The following TTC29 variants were observed in gnomAD, a reference collection of about 807,000 sequenced individuals.
TTC29 encodes the protein tetratricopeptide repeat domain 29.
Under a neutral mutation model 58.1 loss-of-function variants are expected in TTC29, and 49 were observed. The observed-to-expected ratio is 0.84, with a 90% CI of 0.67 to 1.07. The LOEUF (loss-of-function observed/expected upper bound fraction) is 1.07, where lower values mean the gene tolerates loss of function less well. Ranked by LOEUF, TTC29 falls within the 50% of genes least tolerant of loss-of-function variation. TTC29 has a pLI of 0.00. For missense variants in TTC29, 582 were observed against 555.6 expected (o/e 1.05, Z -0.48); for synonymous variants, 209 against 196.8 (o/e 1.06, Z -0.52).
intron 6 of TTC29, 57 bp downstream of exon 6, chr4:146,903,487 T>C: frequency 6.9e-7 from 1 of 1,451,828 alleles, no homozygotes; most frequent in Non-Finnish European, 9.3e-7. Flanking sequence ...TTTTCCATTG[T>C]GTGATCTCAG....
rs748485023 is a variant in TTC29 at position 146,820,188 on chromosome 4, G to A, written c.1038C>T (p.Asn346=). The change falls in exon 10 of 13, where the codon AAC becomes AAT. Residue 346 remains asparagine (N), a synonymous_variant. Coordinates refer to ENST00000325106, the MANE Select transcript of TTC29 (RefSeq NM_031956.4). Reference sequence around the variant, plus strand: ...TCACCAAATCTAGGCTTTGAAAATTGTTTCTTGCAATTTTCACAAATTTTT... The same window carrying A: ...TCACCAAATCTAGGCTTTGAAAATTATTTCTTGCAATTTTCACAAATTTTT... ...YLKKFVKIAR[N]NFQSLDLVRA... 1 of 1,612,998 alleles carries A rather than the reference G, an allele frequency of 6.2e-7. No homozygotes were observed. The highest frequency in any genetic ancestry group is 8.5e-7 in the Non-Finnish European group (1 of 1,179,726).
chr4:146,818,567 A>G (rs1456505318), intron 10 of TTC29, among the ~76,000 whole-genome samples: 1 of 152,238 alleles, frequency 6.6e-6, no homozygotes, highest in East Asian at 1.9e-4. Flanking sequence ...CATTTGACCC[A>G]GATATCTCAT....
intron 11 of TTC29, among the ~76,000 whole-genome samples, chr4:146,722,121 G>A (rs1368596597): frequency 2.0e-5 from 3 of 152,010 alleles, no homozygotes; most frequent in African/African-American, 7.3e-5. Flanking sequence ...GGAGCTGAAT[G>A]ATCTCTACAA....
At chr4:146,899,480 A>G (rs1732995314) in intron 6 of TTC29, among the ~76,000 whole-genome samples, 1 of 152,218 alleles carries the variant, frequency 6.6e-6, no homozygotes, top group South Asian at 2.1e-4. Context: ...AGTGTTTTTC[A>G]GTTGATGACA....
intron 5 of TTC29, among the ~76,000 whole-genome samples, chr4:146,906,685 T>C (rs1308535440): frequency 6.6e-6 from 1 of 152,224 alleles, no homozygotes; most frequent in Non-Finnish European, 1.5e-5. Flanking sequence ...TGAAAAAAGG[T>C]GACACAAATG....
chr4:146,876,013 T>C (rs1579887029), intron 6 of TTC29, among the ~76,000 whole-genome samples: 1 of 152,182 alleles, frequency 6.6e-6, no homozygotes, highest in African/African-American at 2.4e-5. Flanking sequence ...CAAAGAACAC[T>C]TATATCTAGG....
chr4:146,753,468 T>G (rs1746182776), intron 11 of TTC29, among the ~76,000 whole-genome samples: 1 of 152,202 alleles, frequency 6.6e-6, no homozygotes, highest in Non-Finnish European at 1.5e-5. Flanking sequence ...TGTAAACTAG[T>G]TCAACCATTG....
chr4:146,941,496 TAAAC>T (rs1736385211), intron 2 of TTC29, among the ~76,000 whole-genome samples: 1 of 152,144 alleles, frequency 6.6e-6, no homozygotes, highest in Non-Finnish European at 1.5e-5. Flanking sequence ...AGAAAGACAC[TAAAC>T]AAATAAGCAA....
At chr4:146,941,590 C>T (rs1441472387) in intron 2 of TTC29, among the ~76,000 whole-genome samples, 1 of 151,914 alleles carries the variant, frequency 6.6e-6, no homozygotes, top group Non-Finnish European at 1.5e-5. Context: ...AGATGCTCAC[C>T]AATGGCAAAG....
chr4:146,770,235 C>A (rs186632715), intron 11 of TTC29, among the ~76,000 whole-genome samples: 18 of 151,796 alleles, frequency 1.2e-4, no homozygotes, highest in African/African-American at 4.4e-4. Flanking sequence ...GAAGTGCAGC[C>A]AGAGTAGAGA....
intron 4 of TTC29, among the ~76,000 whole-genome samples, chr4:146,936,603 T>C (rs181532553): frequency 6.6e-6 from 1 of 152,212 alleles, no homozygotes; most frequent in Admixed American, 6.5e-5. Flanking sequence ...AGTGAGTGAT[T>C]ACAGCTACTG....
At chr4:146,813,342 A>G (rs1023082463) in intron 10 of TTC29, among the ~76,000 whole-genome samples, 5 of 152,204 alleles carry the variant, frequency 3.3e-5, no homozygotes, top group African/African-American at 1.2e-4. Context: ...TTCTCATTTG[A>G]CCACTTTACA....
intron 8 of TTC29, among the ~76,000 whole-genome samples, chr4:146,837,793 G>A (rs574327976): frequency 6.6e-6 from 1 of 151,952 alleles, no homozygotes; most frequent in Non-Finnish European, 1.5e-5. Context: ...GGCAAACAAA[G>A]GATCTCCAGG....
Position 146,909,133 on chromosome 4 carries a change from GC to G in TTC29, c.292del (p.Ala98ArgfsTer27). 6.2e-7 allele frequency: 1 copy of G among 1,613,780 alleles called. No homozygotes were observed. The highest frequency in any genetic ancestry group is 8.5e-7 in the Non-Finnish European group (1 of 1,179,840). On this transcript the variant is annotated frameshift_variant, in exon 5 of 13. Transcript: ENST00000325106. LOFTEE classifies it high-confidence loss of function. The stretch of plus-strand genomic sequence containing the variant: ...CAGCCAGAAGAGGGACCTGACTCTC[GC>G]AGCCTCCCTCAGGGCATCCCACCGC... ...MERWDALREAARVRSLFWLQK... is the reference protein window; with the variant it reads ...MERWDALREAXRVRSLFWLQK...
intron 11 of TTC29, among the ~76,000 whole-genome samples, chr4:146,796,584 G>T (rs1040557735): frequency 3.9e-5 from 6 of 151,994 alleles, no homozygotes; most frequent in Non-Finnish European, 8.8e-5. Flanking sequence ...AGATTTTTTG[G>T]GTGGGAGGCA....
At chr4:146,822,099 A>G (rs537295792) in intron 9 of TTC29, among the ~76,000 whole-genome samples, 1 of 141,206 alleles carries the variant, frequency 7.1e-6, no homozygotes, top group Non-Finnish European at 1.5e-5. Flanking sequence ...AACATGTTGC[A>G]AGTTCAGAAA....
At chr4:146,772,665 C>T (rs533602538) in intron 11 of TTC29, among the ~76,000 whole-genome samples, 2 of 152,204 alleles carry the variant, frequency 1.3e-5, no homozygotes, top group African/African-American at 4.8e-5. Context: ...GTGATGTCTC[C>T]AGCTTTGTTC....
intron 6 of TTC29, 117 bp from the exon 7 acceptor site, chr4:146,875,045 G>C: frequency 1.4e-6 from 1 of 740,556 alleles, no homozygotes; most frequent in Admixed American, 2.5e-5. Flanking sequence ...TATGGTGAAG[G>C]ATTTCTAAGG....
intron 6 of TTC29, among the ~76,000 whole-genome samples, chr4:146,894,462 T>C (rs1320630700): frequency 6.9e-6 from 1 of 144,458 alleles, no homozygotes. Flanking sequence ...TTCTCACTCA[T>C]AGGTGGGAAT....
Sources: gnomAD v4.1 joint callset for allele counts (sites outside exome capture counted in the v4.1 genomes callset) on GRCh38, gnomAD v4.1.1 for gene constraint, MANE v1.5 for transcripts, NCBI Gene and HGNC (gene_info 2026-07-23, HGNC 2026-07-21) for gene names.